Variants in BNC2 observed in about 807,000 individuals in gnomAD.
BNC2 encodes the protein zinc finger protein basonuclin-2.
In BNC2, 20 loss-of-function variants were observed where a neutral mutation model predicts 76.3. The observed-to-expected ratio is 0.26, with a 90% confidence interval of 0.18 to 0.38. BNC2 has a LOEUF of 0.38. Among genes scored for constraint, BNC2 ranks in the 10% least tolerant of loss-of-function variants. BNC2 has a pLI of 1.00. For synonymous variants in BNC2, 582 were observed against 514.8 expected (o/e 1.13, Z -1.77); for missense variants, 1,382 against 1,399.8 (o/e 0.99, Z 0.20).
intron 3 of BNC2, chr9:16,685,582 G>A (rs1248947786): frequency 7.7e-7 from 1 of 1,304,116 alleles, no homozygotes; most frequent in African/African-American, 1.5e-5. Context: ...CTCCAGGTTT[G>A]GGCAGAAGTC....
chr9:16,642,443 C>T (rs965439122), intron 3 of BNC2, among the ~76,000 whole-genome samples: 1 of 152,168 alleles, frequency 6.6e-6, no homozygotes, highest in African/African-American at 2.4e-5. Flanking sequence ...ACATATTCTT[C>T]CTTACTATAT....
chr9:16,495,532 G>T (rs28620543), intron 5 of BNC2, among the ~76,000 whole-genome samples: 2,430 of 152,310 alleles, frequency 0.016, 57 homozygotes, highest in African/African-American at 0.055. Flanking sequence ...CGGTCCTTCT[G>T]GGGACAGGGT....
At chr9:16,481,363 G>T (rs1822052234) in intron 5 of BNC2, among the ~76,000 whole-genome samples, 1 of 152,012 alleles carries the variant, frequency 6.6e-6, no homozygotes, top group Admixed American at 6.5e-5. Flanking sequence ...TTCGCTCCTT[G>T]CAATAAATCT....
At chr9:16,673,129 T>G (rs1822529539) in intron 3 of BNC2, among the ~76,000 whole-genome samples, 1 of 152,212 alleles carries the variant, frequency 6.6e-6, no homozygotes, top group African/African-American at 2.4e-5. Flanking sequence ...TAATGAATGA[T>G]GCTTGCATGT....
chr9:16,555,632 A>C (rs1274516865), intron 4 of BNC2, among the ~76,000 whole-genome samples: 1 of 151,944 alleles, frequency 6.6e-6, no homozygotes, highest in Non-Finnish European at 1.5e-5. Flanking sequence ...CCACCTCTAC[A>C]AAAAATGGAA....
chr9:16,409,548 G>C lies in BNC2; in HGVS notation c.*9441C>G, dbSNP rs1256159127. The C allele has an allele frequency of 3.3e-5, 5 of 152,558 alleles. No homozygotes were observed. Among genetic ancestry groups the C allele is most frequent in the Non-Finnish European group, 7.3e-5 (5 of 68,030 alleles). 9.5% of individuals were successfully genotyped at this position (152,558 alleles called of 1,614,324 possible). ...AATATAAAAATTGTACAAGAATTTT[G>C]ATACAAATTACAAGAGGTATTTGGA... On this transcript the variant is annotated 3_prime_UTR_variant, in exon 7 of 7. Transcript: ENST00000380672.
At chr9:16,503,411 C>CA (rs1554657599) in intron 5 of BNC2, among the ~76,000 whole-genome samples, 1 of 149,204 alleles carries the variant, frequency 6.7e-6, no homozygotes, top group Non-Finnish European at 1.5e-5. Flanking sequence ...ATCCATCTAA[C>CA]TTTTTTTTTA....
intron 1 of BNC2, among the ~76,000 whole-genome samples, chr9:16,813,078 GC>G (rs1379136674): frequency 6.6e-6 from 1 of 151,896 alleles, no homozygotes; most frequent in East Asian, 2.0e-4. Flanking sequence ...GCGTGGTGAC[GC>G]CCCAGCTACT....
intron 5 of BNC2, among the ~76,000 whole-genome samples, chr9:16,495,688 C>T (rs908526341): frequency 1.1e-4 from 16 of 152,140 alleles, no homozygotes; most frequent in African/African-American, 3.6e-4. Context: ...TTCATAAAGG[C>T]TCAACATGAG....
intron 3 of BNC2, among the ~76,000 whole-genome samples, chr9:16,654,934 G>A (rs142956201): frequency 2.0e-5 from 3 of 152,014 alleles, no homozygotes; most frequent in Non-Finnish European, 4.4e-5. Flanking sequence ...AAGTGAGTTA[G>A]AATAGCTCTA....
intron 1 of BNC2, among the ~76,000 whole-genome samples, chr9:16,837,879 G>C (rs1563965065): frequency 6.6e-6 from 1 of 151,796 alleles, no homozygotes; most frequent in Non-Finnish European, 1.5e-5. Context: ...AGTGAGCCGA[G>C]ATCATACCAT....
intron 3 of BNC2, among the ~76,000 whole-genome samples, chr9:16,592,897 C>G (rs960158513): frequency 6.6e-6 from 1 of 152,042 alleles, no homozygotes; most frequent in African/African-American, 2.4e-5. Flanking sequence ...ATTTGAAAAT[C>G]CTTTCTACTT....
rs1822250814 is a variant in BNC2, at chr9:16,665,432, A to AG, written c.330+62364dup. ...AGAGAAAAGAAAGGAAAGAAAGGAAAGAAAAGAAAGAAAGAAAGAAAGAAA... is the reference window on the plus strand; with the variant it reads ...AGAGAAAAGAAAGGAAAGAAAGGAAAGGAAAAGAAAGAAAGAAAGAAAGAAA... On this transcript the variant is annotated intron_variant, in intron 3 of 6. Transcript: ENST00000380672. Among the ~76,000 whole-genome samples, 5 of 132,136 alleles carry AG rather than the reference A, an allele frequency of 3.8e-5. No individual in the cohort carries two copies. In the South Asian group the frequency reaches 1.0e-3, roughly 27 times the overall value. The allele number at this position is 132,136 out of a possible 152,430, so 86.7% of individuals were successfully genotyped here.
At chr9:16,570,724 G>A (rs1392812446) in intron 4 of BNC2, among the ~76,000 whole-genome samples, 1 of 152,028 alleles carries the variant, frequency 6.6e-6, no homozygotes. Flanking sequence ...GAAACCTAAA[G>A]TTACCATCCC....
intron 1 of BNC2, among the ~76,000 whole-genome samples, chr9:16,806,380 A>G (rs1420733556): frequency 6.6e-6 from 1 of 152,134 alleles, no homozygotes; most frequent in Non-Finnish European, 1.5e-5. Context: ...CTAAAAAAGA[A>G]AAAAGAAAAG....
At chr9:16,639,054 G>T (rs1453737293) in intron 3 of BNC2, among the ~76,000 whole-genome samples, 1 of 152,078 alleles carries the variant, frequency 6.6e-6, no homozygotes, top group Non-Finnish European at 1.5e-5. Context: ...AGAAGAAAAA[G>T]GATGTCATGT....
chr9:16,599,168 T>C (rs1379272149), intron 3 of BNC2, among the ~76,000 whole-genome samples: 1 of 152,200 alleles, frequency 6.6e-6, no homozygotes, highest in Non-Finnish European at 1.5e-5. Flanking sequence ...ACAAATATAC[T>C]TCCTGCTCCC....
At chr9:16,765,700 A>C (rs987404520) in intron 1 of BNC2, among the ~76,000 whole-genome samples, 1 of 152,142 alleles carries the variant, frequency 6.6e-6, no homozygotes, top group African/African-American at 2.4e-5. Context: ...GCCTTAATTA[A>C]AGCTGGGCAA....
intron 3 of BNC2, among the ~76,000 whole-genome samples, chr9:16,598,817 T>A (rs1399981608): frequency 6.6e-6 from 1 of 152,164 alleles, no homozygotes; most frequent in African/African-American, 2.4e-5. Context: ...AGTGTATATA[T>A]CCTGGGCAAT....
Sources: allele counts gnomAD v4.1 joint callset (sites outside exome capture counted in the v4.1 genomes callset), GRCh38; gene constraint gnomAD v4.1.1; transcripts MANE v1.5; gene names NCBI Gene and HGNC (gene_info 2026-07-23, HGNC 2026-07-21).